DNAJC5: variants seen among roughly 807,000 people sequenced by gnomAD.
DNAJC5 encodes DnaJ heat shock protein family (Hsp40) member C5, also known as dnaJ homolog subfamily C member 5.
Under a neutral mutation model 23.2 loss-of-function variants are expected in DNAJC5, and 1 was observed. That is an observed-to-expected ratio of 0.04 (90% CI 0.02 to 0.20). The LOEUF (loss-of-function observed/expected upper bound fraction) is 0.20, where lower values mean the gene tolerates loss of function less well. DNAJC5 is among the 10% of genes least tolerant of loss of function. The pLI is 1.00. For missense variants in DNAJC5, 180 were observed against 267.0 expected (o/e 0.67, Z 2.27); for synonymous variants, 136 against 120.0 (o/e 1.13, Z -0.87).
rs560515727 is a variant in DNAJC5 at position 63,921,458 on chromosome 20, G to A, written c.-11-6877G>A. On this transcript the variant is annotated intron_variant, in intron 1 of 4. Transcript: ENST00000360864. ...TGCAAAAAATTAGCCGGGCGTGGTG[G>A]CGGGTGCCTGTAGTCCCAGCTACTC... is the stretch of plus-strand genomic sequence containing the variant. Among the ~76,000 whole-genome samples, 14 of 152,052 alleles carry A rather than the reference G, an allele frequency of 9.2e-5. No homozygotes were observed. The South Asian group carries it at 2.9e-3, about 32-fold the overall frequency.
chr20:63,896,925 T>C (rs1344456016), intron 1 of DNAJC5, among the ~76,000 whole-genome samples: 3 of 152,066 alleles, frequency 2.0e-5, no homozygotes, highest in Non-Finnish European at 4.4e-5. Flanking sequence ...GGACTGAGCA[T>C]GTAGAGGTAA....
chr20:63,898,687 CA>C (rs2053389849), intron 1 of DNAJC5, among the ~76,000 whole-genome samples: 1 of 152,078 alleles, frequency 6.6e-6, no homozygotes, highest in South Asian at 2.1e-4. Context: ...ACTAAAAATA[CA>C]AAAATAGCTG....
In DNAJC5 at chr20:63,922,200, G is replaced by A. The variant is rs1036908188; in HGVS notation, c.-11-6135G>A. Among the ~76,000 whole-genome samples, 9 of 152,192 alleles carry A rather than the reference G, an allele frequency of 5.9e-5. No homozygotes were observed. The South Asian group carries it at 1.7e-3, about 28-fold the overall frequency. On this transcript the variant is annotated intron_variant, in intron 1 of 4. Coordinates refer to ENST00000360864, the MANE Select transcript of DNAJC5 (RefSeq NM_025219.3). ...TAGGCAGTCCAGGTTGGTGGCTCAC[G>A]CCTGTAATCCCAGCACTTCGAGAGG...
At chr20:63,905,786 G>A (rs2053445073) in intron 1 of DNAJC5, among the ~76,000 whole-genome samples, 1 of 149,042 alleles carries the variant, frequency 6.7e-6, no homozygotes, top group Non-Finnish European at 1.5e-5. Flanking sequence ...CCAGACTGGA[G>A]TGCAATGGCA....
rs1264435883 is a variant in DNAJC5 at position 63,928,122 on chromosome 20, A to G, written c.-11-213A>G. 6.6e-6 allele frequency among the ~76,000 whole-genome samples: 1 copy of G among 151,786 alleles called. No individual in the cohort carries two copies. The highest frequency in any genetic ancestry group is 1.5e-5 in the Non-Finnish European group (1 of 67,938). ...GAGCCCCTGTGCCGGCCCACAGTAC[A>G]CAGCTGCAGTTCTTCAGGATCTCTT... is the stretch of plus-strand genomic sequence containing the variant. On this transcript the variant is annotated intron_variant, in intron 1 of 4. Transcript: ENST00000360864. The surrounding 1 kb of genome is among the most constrained non-coding windows in gnomAD (Gnocchi z 4.6).
intron 1 of DNAJC5, among the ~76,000 whole-genome samples, chr20:63,907,392 C>T (rs1208803292): frequency 6.6e-6 from 1 of 152,184 alleles, no homozygotes; most frequent in East Asian, 1.9e-4. Flanking sequence ...AACTGTGTGC[C>T]TGGCATAGGG....
chr20:63,915,208 C>G (rs576839293), intron 1 of DNAJC5, among the ~76,000 whole-genome samples: 1 of 151,986 alleles, frequency 6.6e-6, no homozygotes, highest in South Asian at 2.1e-4. Context: ...TGACAAGTGT[C>G]AGAAGATAGA....
At chr20:63,895,544 C>T (rs2053368839) in intron 1 of DNAJC5, among the ~76,000 whole-genome samples, 1 of 148,656 alleles carries the variant, frequency 6.7e-6, no homozygotes, top group Non-Finnish European at 1.5e-5. Context: ...CTGCGGGAGC[C>T]GGGCCGGGCC....
intron 1 of DNAJC5, among the ~76,000 whole-genome samples, chr20:63,926,454 G>T (rs1293224592): frequency 6.6e-6 from 1 of 152,330 alleles, no homozygotes; most frequent in Non-Finnish European, 1.5e-5. Flanking sequence ...GTAGCTTCCT[G>T]AGGCGGAGCC....
At position 63,931,032 on chromosome 20, in the gene DNAJC5, C is replaced by T. The variant is rs751404516; in HGVS notation, c.493+10C>T. The T allele has an allele frequency of 1.4e-5, 22 of 1,613,282 alleles. No homozygotes were observed. The highest frequency in any genetic ancestry group is 6.7e-5 in the East Asian group (3 of 44,880). ...CAGTCTGACGAGAGGGGTGAGTGCC[C>T]GCCCCAGGGCCCGTGTGTGTGTGTG... On this transcript the variant is annotated intron_variant, in intron 4 of 4. Coordinates refer to ENST00000360864, the MANE Select transcript of DNAJC5 (RefSeq NM_025219.3). This position sits in a 1 kb window ranked among gnomAD's most constrained non-coding sequence, Gnocchi z 9.6.
intron 1 of DNAJC5, among the ~76,000 whole-genome samples, chr20:63,922,096 A>C (rs933752141): frequency 6.6e-6 from 1 of 151,972 alleles, no homozygotes; most frequent in African/African-American, 2.4e-5. Flanking sequence ...AATTTAAACC[A>C]AGTTTAGGAA....
At chr20:63,906,245 G>A (rs943328139) in intron 1 of DNAJC5, among the ~76,000 whole-genome samples, 10 of 151,980 alleles carry the variant, frequency 6.6e-5, no homozygotes, top group Non-Finnish European at 1.5e-4. Context: ...CCACCACTTC[G>A]GGAGGCCAAG....
chr20:63,930,702 T>C, intron 3 of DNAJC5, 149 bp from the exon 4 acceptor site: 1 of 1,296,616 alleles, frequency 7.7e-7, no homozygotes. Context: ...TCCTCCCTTC[T>C]TCAGTTCTTT....
chr20:63,924,812 G>A (rs1426408744), intron 1 of DNAJC5, among the ~76,000 whole-genome samples: 1 of 152,222 alleles, frequency 6.6e-6, no homozygotes, highest in East Asian at 1.9e-4. Flanking sequence ...TTTCTTCTCG[G>A]TCACTTTGCA....
At chr20:63,901,604 G>C (rs1299243957) in intron 1 of DNAJC5, among the ~76,000 whole-genome samples, 1 of 152,270 alleles carries the variant, frequency 6.6e-6, no homozygotes, top group African/African-American at 2.4e-5. Context: ...CCCGGACGAG[G>C]CTGCAGGTGC....
intron 1 of DNAJC5, among the ~76,000 whole-genome samples, chr20:63,918,816 G>C (rs1303700489): frequency 2.6e-5 from 4 of 152,146 alleles, no homozygotes; most frequent in African/African-American, 9.7e-5. Context: ...GGATGGTCTC[G>C]ATCTCCTGAC....
At chr20:63,896,039 AG>A (rs1284898777) in intron 1 of DNAJC5, among the ~76,000 whole-genome samples, 1 of 152,216 alleles carries the variant, frequency 6.6e-6, no homozygotes, top group African/African-American at 2.4e-5. Context: ...ATACAGGAAA[AG>A]GAAGCAAAAA....
At chr20:63,922,365 A>G (rs1179411184) in intron 1 of DNAJC5, among the ~76,000 whole-genome samples, 1 of 151,486 alleles carries the variant, frequency 6.6e-6, no homozygotes, top group East Asian at 2.0e-4. Flanking sequence ...TGGCAGGCTG[A>G]GGCAGGAGAA....
chr20:63,907,842 T>G (rs2053457369), intron 1 of DNAJC5, among the ~76,000 whole-genome samples: 1 of 152,220 alleles, frequency 6.6e-6, no homozygotes, highest in Admixed American at 6.5e-5. Flanking sequence ...CTCGGCTCAT[T>G]GCATCCTCTG....
Sources: gnomAD v4.1 joint callset for allele counts (sites outside exome capture counted in the v4.1 genomes callset) on GRCh38, gnomAD v4.1.1 for gene constraint, Gnocchi (gnomAD v3.1) non-coding constraint, MANE v1.5 for transcripts, NCBI Gene and HGNC (gene_info 2026-07-23, HGNC 2026-07-21) for gene names.